Variants in FKBP15 observed in about 807,000 individuals in gnomAD.
FKBP15 encodes FKBP prolyl isomerase family member 15, also known as FK506-binding protein 15.
Under a neutral mutation model 158.1 loss-of-function variants are expected in FKBP15, and 106 were observed. That is an observed-to-expected ratio of 0.67 (90% confidence interval 0.57 to 0.79). The LOEUF is 0.79. Ranked by LOEUF, FKBP15 falls within the 30% of genes least tolerant of loss-of-function variation. The pLI is 0.00. For missense variants in FKBP15, 1,287 were observed against 1,479.1 expected (o/e 0.87, Z 2.13); for synonymous variants, 547 against 548.6 (o/e 1.00, Z 0.04).
In FKBP15 at chr9:113,184,515, A is replaced by G; in HGVS notation, c.1609-116T>C. 4 of 954,744 alleles carry G rather than the reference A, an allele frequency of 4.2e-6. No individual in the cohort carries two copies. Among genetic ancestry groups the G allele is most frequent in the Non-Finnish European group, 6.5e-6 (4 of 616,478 alleles). The allele number at this position is 954,744 out of a possible 1,614,324, so 59.1% of individuals were successfully genotyped here. A position where few individuals can be genotyped will look rare whatever the true frequency, so the allele number is the denominator to read the frequency against. Reference sequence around the variant, plus strand: ...TAATGAGTTCCTGGGACAATCTCTAACTGTTAAGTTAGAGTTTTCTCCTAC... The same window carrying G: ...TAATGAGTTCCTGGGACAATCTCTAGCTGTTAAGTTAGAGTTTTCTCCTAC... On this transcript the variant is annotated intron_variant, in intron 16 of 27. Transcript: ENST00000238256. This position sits in a 1 kb window ranked among gnomAD's most constrained non-coding sequence, Gnocchi z 4.5.
intron 4 of FKBP15, 186 bp downstream of exon 4, chr9:113,206,318 ATTTGT>A: frequency 1.8e-6 from 1 of 571,398 alleles, no homozygotes; most frequent in Non-Finnish European, 3.1e-6. Context: ...GAATGGTTGG[ATTTGT>A]TTTAACGCAC....
At chr9:113,203,535 T>C (rs1830832742) in intron 4 of FKBP15, among the ~76,000 whole-genome samples, 1 of 151,982 alleles carries the variant, frequency 6.6e-6, no homozygotes, top group South Asian at 2.1e-4. Context: ...TTGCTTTTTT[T>C]TTTTTTCTTT....
At position 113,169,915 on chromosome 9, in the gene FKBP15, G is replaced by A; in HGVS notation, c.2794C>T (p.Gln932Ter). ...KMVTLQLLNQ[Q>*]EQEKEESSSE... ...CTGCTCTCTTCCTTCTCTTGCTCCT[G>A]TTGGTTTAACAGCTGAAGAGTCACC... Residue 932 changes from glutamine to a stop codon, truncating the protein, a stop_gained, in exon 26 of 28, where the codon CAG becomes TAG. Coordinates refer to ENST00000238256, the MANE Select transcript of FKBP15 (RefSeq NM_015258.2). LOFTEE classifies it high-confidence loss of function. 6.5e-7 allele frequency: 1 copy of A among 1,546,964 alleles called. No homozygotes were observed. Among genetic ancestry groups the A allele is most frequent in the Non-Finnish European group, 8.7e-7 (1 of 1,146,670 alleles).
intron 20 of FKBP15, 128 bp downstream of exon 20, chr9:113,178,502 C>T: frequency 1.1e-6 from 1 of 891,766 alleles, no homozygotes; most frequent in African/African-American, 1.7e-5. Flanking sequence ...TACTAGTCTC[C>T]TTTAATTTTT....
intron 21 of FKBP15, 106 bp from the exon 22 acceptor site, chr9:113,174,689 G>T: frequency 8.3e-7 from 1 of 1,203,234 alleles, no homozygotes; most frequent in South Asian, 1.7e-5. Flanking sequence ...CTCCATTTCT[G>T]AAAACTCCAT....
At chr9:113,174,620 T>G (rs1830270887) in intron 21 of FKBP15, 37 bp from the exon 22 acceptor site, 1 of 1,598,480 alleles carries the variant, frequency 6.3e-7, no homozygotes, top group Admixed American at 1.7e-5. Context: ...CTCTAGCTTG[T>G]TAACAGAGAA....
intron 2 of FKBP15, among the ~76,000 whole-genome samples, chr9:113,208,011 A>C (rs1830926605): frequency 1.3e-5 from 2 of 152,214 alleles, no homozygotes; most frequent in Non-Finnish European, 2.9e-5. Context: ...GAAATTCAGT[A>C]AGATATTTAA....
In FKBP15 at chr9:113,170,589, C is replaced by T. The variant is rs191147161; in HGVS notation, c.2699G>A (p.Arg900Lys). The change falls in exon 25 of 28, where the codon AGA becomes AAA. Residue 900 changes from arginine (R) to lysine (K), a missense_variant. By Grantham distance (26) the Arg-to-Lys change is conservative. Coordinates refer to ENST00000238256, the MANE Select transcript of FKBP15 (RefSeq NM_015258.2). Reference protein sequence around the residue: ...IMNQVFQSLRREFELEESYNG... With the variant: ...IMNQVFQSLRKEFELEESYNG... ...GTAAGATTCCTCCAGCTCAAACTCT[C>T]TCCGTAAGGACTGGAACACCTGGTT... 10 of 1,613,906 alleles carry T rather than the reference C, an allele frequency of 6.2e-6. No homozygotes were observed. In the African/African-American group the frequency reaches 1.3e-4, roughly 22 times the overall value.
chr9:113,178,619 C>A lies in FKBP15; in HGVS notation c.2086+11G>T. The A allele has an allele frequency of 1.2e-6, 2 of 1,603,148 alleles. No individual in the cohort carries two copies. Among genetic ancestry groups the A allele is most frequent in the East Asian group, 4.5e-5 (2 of 44,472 alleles). ...TGGCAACAATCCCAGCATCCCCCAC[C>A]TAGCACATACCTGAGAGCTTTGCCT... On this transcript the variant is annotated intron_variant, in intron 20 of 27. Transcript: ENST00000238256.
chr9:113,174,506 T>A lies in FKBP15; in HGVS notation c.2301A>T (p.Ser767=), dbSNP rs779263900. The change falls in exon 22 of 28, where the codon TCA becomes TCT. Residue 767 remains serine (S), a synonymous_variant. Transcript: ENST00000238256. The stretch of plus-strand genomic sequence containing the variant: ...GAAGTTTGTCCAATTCCTCCTGGTA[T>A]GACTTGCGAATTTCATCTATCTCCT... ...AEEEIDEIRK[S]YQEELDKLRQ... 90 of 1,614,012 alleles carry A rather than the reference T, an allele frequency of 5.6e-5. No individual in the cohort carries two copies. The highest frequency in any genetic ancestry group is 7.6e-5 in the Non-Finnish European group (90 of 1,179,894).
At position 113,190,554 on chromosome 9, in the gene FKBP15, A is replaced by C; in HGVS notation, c.1090T>G (p.Leu364Val). 6.2e-7 allele frequency: 1 copy of C among 1,611,316 alleles called. No individual in the cohort carries two copies. ...CCCATTTTAGCCATCCGAGAGATCA[A>C]CTTGGCTTTGACTGCATCGGGACTC... The part of the protein sequence containing the change: ...NTSPDAVKAK[L>V]ISRMAKMGQP... Residue 364 changes from leucine to valine, a missense_variant, in exon 12 of 28, where the codon TTG (leucine) becomes GTG (valine). Transcript: ENST00000238256.
At chr9:113,169,118 A>G (rs535106843) in intron 26 of FKBP15, 106 bp downstream of exon 26, 4 of 1,391,258 alleles carry the variant, frequency 2.9e-6, no homozygotes, top group East Asian at 2.5e-5. Flanking sequence ...GAATGAAGAC[A>G]TGAGTAAATT....
chr9:113,200,614 G>A (rs77984597), intron 6 of FKBP15, among the ~76,000 whole-genome samples: 2,659 of 152,194 alleles, frequency 0.017, 91 homozygotes, highest in African/African-American at 0.061. Context: ...TTGGGCTTGT[G>A]TTTTAATATT....
intron 21 of FKBP15, among the ~76,000 whole-genome samples, chr9:113,176,014 T>C (rs1830293947): frequency 1.3e-5 from 2 of 152,190 alleles, no homozygotes; most frequent in Admixed American, 1.3e-4. Flanking sequence ...ATGCAATCCA[T>C]CACGTAGGAA....
chr9:113,211,578 G>T lies in FKBP15; in HGVS notation c.68C>A (p.Ser23Ter). The change falls in exon 2 of 28, where the codon TCA (serine) becomes TAA (stop). Residue 23 changes from serine to a stop codon, truncating the protein, a stop_gained. Coordinates refer to ENST00000238256, the MANE Select transcript of FKBP15 (RefSeq NM_015258.2). LOFTEE classifies it high-confidence loss of function. ...AGCTGCCTGATCCAGTCCAAAAAGT[G>T]AGGCCAATCTGGCACTGTTAGTAGA... ...LSPSGGARLA[S>*]LFGLDQAAAG... The T allele has an allele frequency of 6.2e-7, 1 of 1,601,490 alleles. No homozygotes were observed. Among genetic ancestry groups the T allele is most frequent in the Non-Finnish European group, 8.5e-7 (1 of 1,173,480 alleles).
chr9:113,185,085 G>A (rs574017129), intron 15 of FKBP15, among the ~76,000 whole-genome samples: 37 of 152,300 alleles, frequency 2.4e-4, no homozygotes, highest in Middle Eastern at 3.4e-3. Context: ...CCACAGCACC[G>A]GCAGCTCAGA....
chr9:113,221,259 CG>C lies in FKBP15; in HGVS notation c.-17del, dbSNP rs750491464. 77 of 1,599,556 alleles carry C rather than the reference CG, an allele frequency of 4.8e-5. No homozygotes were observed. In the Middle Eastern group the frequency reaches 9.9e-4, roughly 21 times the overall value. On this transcript the variant is annotated 5_prime_UTR_variant, in exon 1 of 28. Coordinates refer to ENST00000238256, the MANE Select transcript of FKBP15 (RefSeq NM_015258.2). ...CACCGAACATTGCGTTGGCTTTCAC[CG>C]GGTTGCGGGGAGGAAGCTGGGTATT...
chr9:113,185,123 C>T (rs1830464457), intron 15 of FKBP15, among the ~76,000 whole-genome samples: 1 of 152,230 alleles, frequency 6.6e-6, no homozygotes, highest in Non-Finnish European at 1.5e-5. Flanking sequence ...CAACTGTATG[C>T]CAAGCATTGT....
At chr9:113,213,418 A>G (rs1034248668) in intron 1 of FKBP15, among the ~76,000 whole-genome samples, 15 of 151,912 alleles carry the variant, frequency 9.9e-5, no homozygotes, top group African/African-American at 3.1e-4. Context: ...TCCAAAAAAA[A>G]AAAAAATTAT....
Sources: allele counts gnomAD v4.1 joint callset (sites outside exome capture counted in the v4.1 genomes callset), GRCh38; gene constraint gnomAD v4.1.1; non-coding constraint Gnocchi (gnomAD v3.1); transcripts MANE v1.5; gene names NCBI Gene and HGNC (gene_info 2026-07-23, HGNC 2026-07-21).